ARHGAP10: variants seen among roughly 807,000 people sequenced by gnomAD.
ARHGAP10 encodes the protein Rho GTPase activating protein 10.
ARHGAP10 carries 87 observed loss-of-function variants against 108.6 expected under a neutral mutation model. The observed-to-expected ratio is 0.80, with a 90% CI of 0.67 to 0.96. ARHGAP10 has a LOEUF of 0.96. Among genes scored for constraint, ARHGAP10 ranks in the 40% least tolerant of loss-of-function variants. The pLI, the probability that ARHGAP10 is intolerant of heterozygous loss-of-function variation, is 0.00. For missense variants in ARHGAP10, 939 were observed against 954.5 expected (o/e 0.98, Z 0.21); for synonymous variants, 347 against 341.1 (o/e 1.02, Z -0.19).
chr4:147,965,639 G>C (rs993866935), intron 17 of ARHGAP10, among the ~76,000 whole-genome samples: 1 of 152,160 alleles, frequency 6.6e-6, no homozygotes, highest in Non-Finnish European at 1.5e-5. Flanking sequence ...GCTGAAGAAC[G>C]CTATATTTTA....
intron 16 of ARHGAP10, among the ~76,000 whole-genome samples, chr4:147,957,859 T>C (rs1480533835): frequency 6.6e-6 from 1 of 152,216 alleles, no homozygotes; most frequent in Non-Finnish European, 1.5e-5. Flanking sequence ...ATTTGTTTTA[T>C]GTTCCTTGTT....
At chr4:147,875,255 C>T (rs996772704) in intron 8 of ARHGAP10, 105 bp downstream of exon 8, 4 of 1,247,558 alleles carry the variant, frequency 3.2e-6, no homozygotes, top group African/African-American at 3.1e-5. Flanking sequence ...ATTATTCCTA[C>T]CTCTTTCTCT....
At chr4:147,967,942 T>C (rs1393511251) in intron 18 of ARHGAP10, among the ~76,000 whole-genome samples, 1 of 152,214 alleles carries the variant, frequency 6.6e-6, no homozygotes, top group Non-Finnish European at 1.5e-5. Context: ...GAAACGTCTC[T>C]TCTTTATTAA....
At chr4:147,818,963 T>C (rs73853983) in intron 1 of ARHGAP10, among the ~76,000 whole-genome samples, 8,639 of 152,142 alleles carry the variant, frequency 0.057, 499 homozygotes, top group African/African-American at 0.14. Context: ...GGAAAATGAG[T>C]GATAGAAATG....
intron 1 of ARHGAP10, among the ~76,000 whole-genome samples, chr4:147,753,518 GTTT>G (rs11449935): frequency 7.2e-6 from 1 of 139,116 alleles, no homozygotes; most frequent in African/African-American, 2.6e-5. Flanking sequence ...TAATTTTTTG[GTTT>G]TTTTTTTTTT....
At chr4:147,894,036 G>A (rs984988259) in intron 10 of ARHGAP10, among the ~76,000 whole-genome samples, 2 of 152,138 alleles carry the variant, frequency 1.3e-5, no homozygotes, top group Admixed American at 6.5e-5. Context: ...TGGAGCATGG[G>A]CCATAGAAAA....
At chr4:147,926,447 G>A (rs1463798920) in intron 13 of ARHGAP10, among the ~76,000 whole-genome samples, 1 of 152,144 alleles carries the variant, frequency 6.6e-6, no homozygotes, top group Non-Finnish European at 1.5e-5. Context: ...AAGTGAAAAC[G>A]AACTCTAAGC....
intron 13 of ARHGAP10, among the ~76,000 whole-genome samples, chr4:147,920,428 C>T (rs1036325193): frequency 1.3e-5 from 2 of 151,508 alleles, no homozygotes; most frequent in Non-Finnish European, 2.9e-5. Context: ...AAACAAAAAA[C>T]CCAAAATCCC....
intron 18 of ARHGAP10, among the ~76,000 whole-genome samples, chr4:147,989,187 G>C (rs979977822): frequency 1.3e-5 from 2 of 152,234 alleles, no homozygotes; most frequent in Admixed American, 6.5e-5. Flanking sequence ...AGTTTCAAAA[G>C]GGGAGGGAGT....
At chr4:147,841,871 A>G (rs190338597) in intron 3 of ARHGAP10, among the ~76,000 whole-genome samples, 1 of 152,292 alleles carries the variant, frequency 6.6e-6, no homozygotes, top group East Asian at 1.9e-4. Flanking sequence ...AACTACTACT[A>G]TCCTTGTTTT....
At chr4:147,881,727 A>G in intron 9 of ARHGAP10, 111 bp from the exon 10 acceptor site, 3 of 808,772 alleles carry the variant, frequency 3.7e-6, no homozygotes, top group African/African-American at 1.7e-5. Context: ...TAGGGTAAAG[A>G]GAAGGACTTA....
rs140414169 is a variant in ARHGAP10, at chr4:147,742,514, G to A, written c.154+10059G>A. ...TTTTTTTTTTTTGAGATGGAGTCTC[G>A]CTTTTGCAGCTCAGGCTGGAGTGCA... On this transcript the variant is annotated intron_variant, in intron 1 of 22. Coordinates refer to ENST00000336498, the MANE Select transcript of ARHGAP10 (RefSeq NM_024605.4). Among the ~76,000 whole-genome samples the A allele has an allele frequency of 5.6e-3, 626 of 111,762 alleles. 9 individuals are homozygous for A. Among genetic ancestry groups the A allele is most frequent in the African/African-American group, 0.018 (524 of 29,534 alleles). The allele number at this position is 111,762 out of a possible 152,430, so 73.3% of individuals were successfully genotyped here.
chr4:147,879,692 C>G (rs1320639426), intron 9 of ARHGAP10, among the ~76,000 whole-genome samples: 1 of 152,158 alleles, frequency 6.6e-6, no homozygotes, highest in African/African-American at 2.4e-5. Flanking sequence ...TATCCCTCCC[C>G]TAGCCCCCAG....
At chr4:147,856,357 A>G (rs1050329146) in intron 4 of ARHGAP10, among the ~76,000 whole-genome samples, 1 of 152,192 alleles carries the variant, frequency 6.6e-6, no homozygotes, top group Non-Finnish European at 1.5e-5. Flanking sequence ...CGTATTTTAA[A>G]TAGCGTTACA....
chr4:147,974,771 G>T (rs1739530239), intron 18 of ARHGAP10, among the ~76,000 whole-genome samples: 1 of 152,170 alleles, frequency 6.6e-6, no homozygotes, highest in African/African-American at 2.4e-5. Context: ...AATGAAAGAG[G>T]TTTAATGGGC....
chr4:147,755,886 A>G lies in ARHGAP10; in HGVS notation c.154+23431A>G, dbSNP rs191070501. Among the ~76,000 whole-genome samples the G allele has an allele frequency of 2.4e-3, 369 of 152,120 alleles. 2 individuals carry two copies. Among genetic ancestry groups the G allele is most frequent in the East Asian group, 6.8e-3 (35 of 5,176 alleles). ...GTCCTTGTTTTGTATTATTTCACAT[A>G]TGTGTTGAGGAGCAATGCATCAGTA... On this transcript the variant is annotated intron_variant, in intron 1 of 22. Coordinates refer to ENST00000336498, the MANE Select transcript of ARHGAP10 (RefSeq NM_024605.4).
At chr4:147,845,741 A>G (rs1350332057) in intron 3 of ARHGAP10, among the ~76,000 whole-genome samples, 1 of 152,192 alleles carries the variant, frequency 6.6e-6, no homozygotes, top group Non-Finnish European at 1.5e-5. Context: ...AGCTTAAAAA[A>G]TGACACAGGT....
chr4:147,828,937 G>A (rs899548796), intron 3 of ARHGAP10, among the ~76,000 whole-genome samples: 1 of 151,786 alleles, frequency 6.6e-6, no homozygotes, highest in African/African-American at 2.4e-5. Flanking sequence ...GAGTACAGTG[G>A]CATGATCTCA....
chr4:148,045,950 C>T (rs1728863631), intron 19 of ARHGAP10, among the ~76,000 whole-genome samples: 1 of 152,100 alleles, frequency 6.6e-6, no homozygotes, highest in South Asian at 2.1e-4. Flanking sequence ...AGGACCATCA[C>T]CTATAAAATT....
Sources: gnomAD v4.1 joint callset for allele counts (sites outside exome capture counted in the v4.1 genomes callset) on GRCh38, gnomAD v4.1.1 for gene constraint, MANE v1.5 for transcripts, NCBI Gene and HGNC (gene_info 2026-07-23, HGNC 2026-07-21) for gene names.